The following CDH18 variants were observed in gnomAD, a reference collection of about 807,000 sequenced individuals.
The protein encoded by CDH18 is cadherin 18, also known as cadherin-18.
A neutral mutation model predicts 67.9 loss-of-function variants in CDH18; 31 were observed. That is an observed-to-expected ratio of 0.46 (90% CI 0.34 to 0.62). The LOEUF (loss-of-function observed/expected upper bound fraction) is 0.62, where lower values mean the gene tolerates loss of function less well. Among genes scored for constraint, CDH18 ranks in the 20% least tolerant of loss-of-function variants. The pLI, the probability that CDH18 is intolerant of heterozygous loss-of-function variation, is 0.01. For missense variants in CDH18, 890 were observed against 975.5 expected, an observed-to-expected ratio of 0.91 and a Z score of 1.17; for synonymous variants, 362 against 347.2, an observed-to-expected ratio of 1.04 and a Z score of -0.48.
chr5:19,524,845 A>T (rs347727), intron 9 of CDH18, among the ~76,000 whole-genome samples: 44,620 of 151,922 alleles, frequency 0.29, 6,634 homozygotes, highest in South Asian at 0.35. Flanking sequence ...TCCCGGGTTC[A>T]CGCCATTCTC....
At chr5:19,731,293 CA>C (rs747603233) in intron 4 of CDH18, among the ~76,000 whole-genome samples, 3 of 151,644 alleles carry the variant, frequency 2.0e-5, no homozygotes, top group Admixed American at 1.3e-4. Context: ...ACTAAAAATA[CA>C]AAAAAAATTA....
At chr5:19,560,254 C>A (rs1422286480) in intron 8 of CDH18, among the ~76,000 whole-genome samples, 2 of 152,062 alleles carry the variant, frequency 1.3e-5, no homozygotes, top group Admixed American at 1.3e-4. Context: ...CATTACCTGA[C>A]TTCAAATTAT....
intron 2 of CDH18, among the ~76,000 whole-genome samples, chr5:19,840,648 G>T (rs1265778117): frequency 1.3e-5 from 2 of 152,062 alleles, no homozygotes; most frequent in African/African-American, 4.8e-5. Flanking sequence ...GTTGCAGTGA[G>T]CAGAGATCAT....
chr5:20,406,026 G>A (rs1176759103), intron 1 of CDH18, among the ~76,000 whole-genome samples: 1 of 152,120 alleles, frequency 6.6e-6, no homozygotes, highest in African/African-American at 2.4e-5. Flanking sequence ...TCAGTGTGGC[G>A]ATTCCTCAGG....
intron 2 of CDH18, among the ~76,000 whole-genome samples, chr5:19,875,801 T>C (rs1400350087): frequency 6.6e-6 from 1 of 152,034 alleles, no homozygotes; most frequent in Non-Finnish European, 1.5e-5. Context: ...AGCCAAATTA[T>C]AGTTTATTAA....
intron 2 of CDH18, among the ~76,000 whole-genome samples, chr5:20,032,086 TAGA>T: frequency 6.6e-6 from 1 of 152,184 alleles, no homozygotes; most frequent in African/African-American, 2.4e-5. Flanking sequence ...GCTTATTTTC[TAGA>T]AGGCTATTTC....
At chr5:19,689,393 T>TA (rs201283795) in intron 5 of CDH18, among the ~76,000 whole-genome samples, 15 of 151,188 alleles carry the variant, frequency 9.9e-5, no homozygotes, top group South Asian at 2.1e-4. Flanking sequence ...AAAAGAAAAT[T>TA]AAAAAAAAAT....
intron 2 of CDH18, among the ~76,000 whole-genome samples, chr5:20,188,291 C>T (rs1347683390): frequency 2.0e-5 from 3 of 151,940 alleles, no homozygotes; most frequent in Non-Finnish European, 2.9e-5. Context: ...ACTGAAACAT[C>T]TAATTCAAAT....
chr5:20,285,093 G>A (rs911377321), intron 1 of CDH18, among the ~76,000 whole-genome samples: 1 of 151,382 alleles, frequency 6.6e-6, no homozygotes, highest in Non-Finnish European at 1.5e-5. Flanking sequence ...GAGTATATTG[G>A]GGGCTTATTT....
chr5:19,702,774 C>T (rs1433547567), intron 5 of CDH18, among the ~76,000 whole-genome samples: 1 of 152,038 alleles, frequency 6.6e-6, no homozygotes, highest in Non-Finnish European at 1.5e-5. Context: ...TAAACAAAAT[C>T]TCTGCAGCAC....
At chr5:19,818,774 T>C (rs2149933576) in intron 3 of CDH18, among the ~76,000 whole-genome samples, 1 of 152,296 alleles carries the variant, frequency 6.6e-6, no homozygotes, top group African/African-American at 2.4e-5. Flanking sequence ...AACAGTACAA[T>C]ATAATATGCA....
At chr5:20,083,747 T>A (rs1744695076) in intron 2 of CDH18, among the ~76,000 whole-genome samples, 1 of 152,224 alleles carries the variant, frequency 6.6e-6, no homozygotes, top group Admixed American at 6.5e-5. Flanking sequence ...GAAGAGCAAG[T>A]CACGTCTTAC....
chr5:20,212,470 A>G (rs529987324), intron 2 of CDH18, among the ~76,000 whole-genome samples: 2 of 152,228 alleles, frequency 1.3e-5, no homozygotes, highest in Non-Finnish European at 1.5e-5. Flanking sequence ...CCCAAGACAC[A>G]TAATTGTCAG....
At chr5:20,520,673 G>A (rs1164425304) in intron 1 of CDH18, among the ~76,000 whole-genome samples, 1 of 152,180 alleles carries the variant, frequency 6.6e-6, no homozygotes, top group Non-Finnish European at 1.5e-5. Flanking sequence ...GAGATATGAA[G>A]AGAGATGAGC....
chr5:19,851,838 T>G (rs1376823677), intron 2 of CDH18, among the ~76,000 whole-genome samples: 5 of 151,912 alleles, frequency 3.3e-5, no homozygotes, highest in Admixed American at 2.0e-4. Context: ...TTCAAAAGAT[T>G]AACTTAAAAT....
At chr5:19,816,095 T>A (rs1779258522) in intron 3 of CDH18, among the ~76,000 whole-genome samples, 2 of 151,978 alleles carry the variant, frequency 1.3e-5, no homozygotes, top group Non-Finnish European at 2.9e-5. Flanking sequence ...TATTAACTTT[T>A]ATTAATGAAC....
At chr5:19,516,595 G>A (rs1746049953) in intron 10 of CDH18, among the ~76,000 whole-genome samples, 1 of 152,106 alleles carries the variant, frequency 6.6e-6, no homozygotes, top group South Asian at 2.1e-4. Context: ...TATTGTCCAG[G>A]ACTGTATCCA....
At chr5:20,352,556 G>A (rs766030757) in intron 1 of CDH18, among the ~76,000 whole-genome samples, 4 of 150,184 alleles carry the variant, frequency 2.7e-5, no homozygotes, top group Admixed American at 6.7e-5. Flanking sequence ...CCAGGTGGGC[G>A]GATCAAGAGG....
At chr5:19,872,796 A>C (rs1322283645) in intron 2 of CDH18, among the ~76,000 whole-genome samples, 1 of 152,222 alleles carries the variant, frequency 6.6e-6, no homozygotes, top group Non-Finnish European at 1.5e-5. Context: ...AATTTGTTAC[A>C]CAAAATAGAA....
Sources: gnomAD v4.1 joint callset for allele counts (sites outside exome capture counted in the v4.1 genomes callset) on GRCh38, gnomAD v4.1.1 for gene constraint, MANE v1.5 for transcripts, NCBI Gene and HGNC (gene_info 2026-07-23, HGNC 2026-07-21) for gene names.